The following PRDM16 variants were observed in gnomAD, a reference collection of about 807,000 sequenced individuals.
PRDM16 encodes histone-lysine N-methyltransferase PRDM16.
Under a neutral mutation model 110.6 loss-of-function variants are expected in PRDM16, and 23 were observed. The ratio of observed to expected loss-of-function variants is 0.21; its 90% CI spans 0.15 to 0.29. The LOEUF is 0.29. Among genes scored for constraint, PRDM16 ranks in the 10% least tolerant of loss-of-function variants. The pLI, the probability that PRDM16 is intolerant of heterozygous loss-of-function variation, is 1.00. For synonymous variants in PRDM16, 799 were observed against 781.8 expected, an observed-to-expected ratio of 1.02 and a Z score of -0.37; for missense variants, 1,615 against 1,794.3, an observed-to-expected ratio of 0.90 and a Z score of 1.81.
intron 1 of PRDM16, among the ~76,000 whole-genome samples, chr1:3,101,703 G>A (rs1260655060): frequency 2.0e-5 from 3 of 152,222 alleles, no homozygotes; most frequent in Non-Finnish European, 4.4e-5. Flanking sequence ...CAAGGTCAGA[G>A]GACCAGCCAG....
intron 4 of PRDM16, among the ~76,000 whole-genome samples, chr1:3,391,651 A>T (rs1253661006): frequency 2.6e-5 from 4 of 152,250 alleles, no homozygotes; most frequent in Non-Finnish European, 5.9e-5. Context: ...CTTAGGCTTA[A>T]TAAAAATGCT....
At chr1:3,092,818 G>A (rs1444701936) in intron 1 of PRDM16, among the ~76,000 whole-genome samples, 1 of 152,106 alleles carries the variant, frequency 6.6e-6, no homozygotes, top group Non-Finnish European at 1.5e-5. Flanking sequence ...GCTGTCTCAG[G>A]GAGGACATGA....
rs909867143 is a variant in PRDM16, at chr1:3,201,741, C to T, written c.387+15267C>T. Among the ~76,000 whole-genome samples the T allele has an allele frequency of 1.3e-5, 2 of 152,226 alleles. No homozygotes were observed. The highest frequency in any genetic ancestry group is 4.8e-5 in the African/African-American group (2 of 41,468). ...TGGTGACACATTCTTCAGCTGGAGC[C>T]GAGTAGGGTCGTGTCTGCCCCGCTT... On this transcript the variant is annotated intron_variant, in intron 2 of 16. Coordinates refer to ENST00000270722, the MANE Select transcript of PRDM16 (RefSeq NM_022114.4). The surrounding 1 kb of genome is among the most constrained non-coding windows in gnomAD (Gnocchi z 4.1).
At chr1:3,320,056 A>T (rs572034040) in intron 3 of PRDM16, among the ~76,000 whole-genome samples, 1 of 152,286 alleles carries the variant, frequency 6.6e-6, no homozygotes, top group South Asian at 2.1e-4. Flanking sequence ...CACACCTACC[A>T]GGTGTGGCCT....
chr1:3,317,693 G>A (rs1447449230), intron 3 of PRDM16, among the ~76,000 whole-genome samples: 1 of 152,224 alleles, frequency 6.6e-6, no homozygotes, highest in East Asian at 1.9e-4. Context: ...GCCATTGGGC[G>A]TGCGTGGGTG....
rs1484970251 is a variant in PRDM16, at chr1:3,435,754, A to C, written c.*1943A>C. On this transcript the variant is annotated 3_prime_UTR_variant, in exon 17 of 17. Coordinates refer to ENST00000270722, the MANE Select transcript of PRDM16 (RefSeq NM_022114.4). Reference sequence around the variant, plus strand: ...GGAGGTGTCCTGGCTGCTCCAGGACAAAAGACAATCGTCTCTGTGGGTGCC... The same window carrying C: ...GGAGGTGTCCTGGCTGCTCCAGGACCAAAGACAATCGTCTCTGTGGGTGCC... 1 of 232,402 alleles carries C rather than the reference A, an allele frequency of 4.3e-6. No homozygotes were observed. The highest frequency in any genetic ancestry group is 8.5e-6 in the Non-Finnish European group (1 of 117,644). The allele number at this position is 232,402 out of a possible 1,614,324, so 14.4% of individuals were successfully genotyped here.
intron 1 of PRDM16, among the ~76,000 whole-genome samples, chr1:3,145,930 C>T (rs984701290): frequency 7.9e-5 from 12 of 152,220 alleles, no homozygotes; most frequent in East Asian, 1.9e-4. Flanking sequence ...AGAGGTCCCC[C>T]GGCGCCCCCC....
At position 3,157,618 on chromosome 1, in the gene PRDM16, G is replaced by A. The variant is rs982624922; in HGVS notation, c.38-28507G>A. On this transcript the variant is annotated intron_variant, in intron 1 of 16. Transcript: ENST00000270722. The surrounding 1 kb of genome is among the most constrained non-coding windows in gnomAD (Gnocchi z 4.8). The stretch of plus-strand genomic sequence containing the variant: ...GAATTACAGGGAAAGTGGACCTGTC[G>A]GCTCTGTTCATGGACAGTATGGTGG... Among the ~76,000 whole-genome samples the A allele has an allele frequency of 7.2e-5, 11 of 152,104 alleles. No homozygotes were observed. The highest frequency in any genetic ancestry group is 1.5e-4 in the Non-Finnish European group (10 of 68,030).
At chr1:3,087,957 C>A (rs1274602077) in intron 1 of PRDM16, among the ~76,000 whole-genome samples, 1 of 152,030 alleles carries the variant, frequency 6.6e-6, no homozygotes, top group East Asian at 1.9e-4. Flanking sequence ...CCTCCGTCCC[C>A]CGAGACACCC....
chr1:3,398,220 G>T (rs1240481166), intron 5 of PRDM16, among the ~76,000 whole-genome samples: 1 of 152,138 alleles, frequency 6.6e-6, no homozygotes, highest in African/African-American at 2.4e-5. Context: ...CTTCCAAAAG[G>T]TTTTTTAAAA....
intron 3 of PRDM16, among the ~76,000 whole-genome samples, chr1:3,326,173 T>C (rs1641904489): frequency 1.3e-5 from 2 of 151,664 alleles, no homozygotes; most frequent in Admixed American, 1.3e-4. Flanking sequence ...CGACCATCCT[T>C]GGCCCTCCTT....
At chr1:3,355,592 G>C (rs1344379831) in intron 3 of PRDM16, among the ~76,000 whole-genome samples, 2 of 152,092 alleles carry the variant, frequency 1.3e-5, no homozygotes, top group Non-Finnish European at 2.9e-5. Context: ...TAAAAACAAG[G>C]GCAGCATCCG....
At chr1:3,297,209 A>G (rs1570016218) in intron 3 of PRDM16, among the ~76,000 whole-genome samples, 1 of 151,396 alleles carries the variant, frequency 6.6e-6, no homozygotes, top group South Asian at 2.1e-4. Context: ...TCACATTACC[A>G]GCATTTCTGT....
intron 3 of PRDM16, among the ~76,000 whole-genome samples, chr1:3,294,973 G>A (rs757095210): frequency 2.6e-5 from 4 of 152,182 alleles, no homozygotes; most frequent in South Asian, 4.1e-4. Flanking sequence ...ATCTTCCCCC[G>A]CCTGGTCACT....
chr1:3,321,677 G>GTGTGTGGGTGCACGTGTGTGTGCTT (rs1641752850), intron 3 of PRDM16, among the ~76,000 whole-genome samples: 2 of 152,074 alleles, frequency 1.3e-5, no homozygotes, highest in African/African-American at 2.4e-5. Flanking sequence ...GTGCACGTGT[G>GTGTGTGGGTGCACGTGTGTGTGCTT]TGTGTGGGTG....
In PRDM16 at chr1:3,411,729, C is replaced by T; in HGVS notation, c.1532C>T (p.Thr511Ile). ...STAPPTFPAL[T>I]PGFPGIFPPS... ...GCGCCTCCCACGTTCCCCGCACTCACCCCCGGCTTCCCGGGCATCTTCCCT... is the reference window on the plus strand; with the variant it reads ...GCGCCTCCCACGTTCCCCGCACTCATCCCCGGCTTCCCGGGCATCTTCCCT... The change falls in exon 9 of 17, where the codon ACC becomes ATC. Residue 511 changes from threonine to isoleucine, a missense_variant. Thr to Ile is a moderately conservative substitution (Grantham distance 89). This residue lies in a region of PRDM16 where 772 missense variants were observed against 748.3 expected (regional missense o/e 1.03). Coordinates refer to ENST00000270722, the MANE Select transcript of PRDM16 (RefSeq NM_022114.4). 1.9e-6 allele frequency: 3 copies of T among 1,610,838 alleles called. No individual in the cohort carries two copies. Among genetic ancestry groups the T allele is most frequent in the Non-Finnish European group, 2.5e-6 (3 of 1,178,504 alleles).
Position 3,114,502 on chromosome 1 carries a change from G to A in PRDM16, c.37+45206G>A, listed in dbSNP as rs57754602. Among the ~76,000 whole-genome samples, 950 of 147,286 alleles carry A rather than the reference G, an allele frequency of 6.5e-3. 6 individuals carry two copies. Among genetic ancestry groups the A allele is most frequent in the African/African-American group, 0.022 (862 of 39,468 alleles). ...CAGACACGCACGCACGCACACACGC[G>A]CATGCACACACACATGAACACACGC... is the stretch of plus-strand genomic sequence containing the variant. On this transcript the variant is annotated intron_variant, in intron 1 of 16. Transcript: ENST00000270722.
intron 3 of PRDM16, among the ~76,000 whole-genome samples, chr1:3,378,625 G>A (rs1042006256): frequency 2.3e-4 from 35 of 152,138 alleles, no homozygotes; most frequent in African/African-American, 8.0e-4. Context: ...GGCGATGAGC[G>A]AGGGGCCTCG....
chr1:3,192,840 G>A (rs1476245824), intron 2 of PRDM16, among the ~76,000 whole-genome samples: 1 of 152,154 alleles, frequency 6.6e-6, no homozygotes, highest in East Asian at 1.9e-4. Context: ...AAGACCCTCG[G>A]TGCTCAAAGT....
Sources: allele counts gnomAD v4.1 joint callset (sites outside exome capture counted in the v4.1 genomes callset), GRCh38; gene constraint gnomAD v4.1.1; regional missense constraint gnomAD v4.1.1; non-coding constraint Gnocchi (gnomAD v3.1); transcripts MANE v1.5; gene names NCBI Gene and HGNC (gene_info 2026-07-23, HGNC 2026-07-21).